DZIP3: variants seen among roughly 807,000 people sequenced by gnomAD.
DZIP3 encodes the protein DAZ interacting zinc finger protein 3.
DZIP3 carries 118 observed loss-of-function variants against 162.0 expected under a neutral mutation model. The ratio of observed to expected loss-of-function variants is 0.73; its 90% CI spans 0.63 to 0.85. DZIP3 has a LOEUF of 0.85. Ranked by LOEUF, DZIP3 falls within the 40% of genes least tolerant of loss-of-function variation. The pLI is 0.00. For missense variants in DZIP3, 1,331 were observed against 1,407.0 expected (o/e 0.95, Z 0.86); for synonymous variants, 438 against 458.6 (o/e 0.96, Z 0.57).
rs531053949 is a variant in DZIP3 at position 108,668,435 on chromosome 3, C to T, written c.2424-1246C>T. Among the ~76,000 whole-genome samples the T allele has an allele frequency of 3.9e-5, 6 of 152,090 alleles. No homozygotes were observed. In the South Asian group the frequency reaches 1.2e-3, roughly 32 times the overall value. ...AGCTGGATAATAAGAACTATGCCTA[C>T]CTTATCCTCTGTTGTTTAAGAGTCT... On this transcript the variant is annotated intron_variant, in intron 21 of 32. Coordinates refer to ENST00000361582, the MANE Select transcript of DZIP3 (RefSeq NM_014648.4).
chr3:108,624,867 G>C (rs1034717081), intron 6 of DZIP3, among the ~76,000 whole-genome samples: 2 of 151,670 alleles, frequency 1.3e-5, no homozygotes, highest in Non-Finnish European at 2.9e-5. Context: ...AATTTCTAAG[G>C]GTTCTGTTGA....
intron 1 of DZIP3, among the ~76,000 whole-genome samples, chr3:108,592,066 G>A (rs1368781453): frequency 6.6e-6 from 1 of 151,980 alleles, no homozygotes; most frequent in East Asian, 1.9e-4. Context: ...CTTGAAGTCC[G>A]TGGCAATCTC....
intron 19 of DZIP3, among the ~76,000 whole-genome samples, chr3:108,656,139 G>A (rs577806305): frequency 3.2e-4 from 48 of 152,322 alleles, no homozygotes; most frequent in South Asian, 2.1e-4. Flanking sequence ...CAGCTTTGAA[G>A]AGAGTAGTGG....
At position 108,675,884 on chromosome 3, in the gene DZIP3, A is replaced by G. The variant is rs1181518240; in HGVS notation, c.2781+11A>G. On this transcript the variant is annotated intron_variant, in intron 25 of 32. Coordinates refer to ENST00000361582, the MANE Select transcript of DZIP3 (RefSeq NM_014648.4). ...ATTGCATTCCTCAGGGTAAGTCCTG[A>G]AGTATATTTGGAGAAAATTGGCTTA... 1 of 1,605,120 alleles carries G rather than the reference A, an allele frequency of 6.2e-7. No homozygotes were observed. Among genetic ancestry groups the G allele is most frequent in the African/African-American group, 1.3e-5 (1 of 74,516 alleles).
rs1453391714 is a variant in DZIP3, at chr3:108,611,038, A to C, written c.103-136A>C. On this transcript the variant is annotated intron_variant, in intron 3 of 32. Transcript: ENST00000361582. ...CATATTATTCTTCCTTAGATTTTTT[A>C]TAATTCTGTCATAGAAGCTAGGAGA... The C allele has an allele frequency of 2.3e-5, 17 of 743,406 alleles. No homozygotes were observed. The East Asian group carries it at 5.0e-4, about 22-fold the overall frequency. The allele number at this position is 743,406 out of a possible 1,614,324, so 46.1% of individuals were successfully genotyped here.
At chr3:108,648,245 G>A in intron 16 of DZIP3, 133 bp downstream of exon 16, 1 of 784,160 alleles carries the variant, frequency 1.3e-6, no homozygotes, top group Non-Finnish European at 1.9e-6. Flanking sequence ...GCTTGAATTG[G>A]AATGGTCCTT....
At chr3:108,631,055 A>ACACACACACACACACACCCACT in intron 8 of DZIP3, among the ~76,000 whole-genome samples, 1 of 18,006 alleles carries the variant, frequency 5.6e-5, no homozygotes. Context: ...ACACACACAC[A>ACACACACACACACACACCCACT]CTCTCTCTCT....
intron 9 of DZIP3, among the ~76,000 whole-genome samples, chr3:108,633,518 A>G (rs1941980700): frequency 6.6e-6 from 1 of 151,944 alleles, no homozygotes; most frequent in African/African-American, 2.4e-5. Context: ...GCAGGGGGAA[A>G]AAGTAACCAG....
chr3:108,644,297 T>C lies in DZIP3; in HGVS notation c.1275T>C (p.Leu425=). The C allele has an allele frequency of 6.2e-7, 1 of 1,614,046 alleles. No homozygotes were observed. The highest frequency in any genetic ancestry group is 8.5e-7 in the Non-Finnish European group (1 of 1,179,960). ...AMPPPLLKKE[L]LIHKNVLESY... is the part of the protein sequence containing the mutation. ...CACCTCCTCTTTTGAAAAAAGAGCT[T>C]CTTATACACAAGAATGTGCTGGAAT... Residue 425 remains leucine, a synonymous_variant, in exon 14 of 33, where the codon CTT becomes CTC. Transcript: ENST00000361582.
chr3:108,618,398 C>T (rs921243391), intron 5 of DZIP3, among the ~76,000 whole-genome samples: 1 of 152,158 alleles, frequency 6.6e-6, no homozygotes, highest in Non-Finnish European at 1.5e-5. Flanking sequence ...TGCTGTATGA[C>T]AGCCACTATT....
At chr3:108,685,980 CCAGA>C (rs1463926153) in intron 27 of DZIP3, among the ~76,000 whole-genome samples, 2 of 151,936 alleles carry the variant, frequency 1.3e-5, no homozygotes, top group East Asian at 3.9e-4. Context: ...TCTCTTATGC[CCAGA>C]CATACAGTTC....
At chr3:108,646,703 A>G (rs1256624450) in intron 15 of DZIP3, 54 bp downstream of exon 15, 5 of 1,270,364 alleles carry the variant, frequency 3.9e-6, no homozygotes, top group East Asian at 5.1e-5. Flanking sequence ...AGGGATACCT[A>G]TGAAATTTTT....
rs111877589 is a variant in DZIP3, at chr3:108,604,527, A to G, written c.-72-808A>G. ...AATAAATAGCTATGTAAATAAATAT[A>G]TATACTTATGATACTCTAGTCTCTT... is the stretch of plus-strand genomic sequence containing the variant. On this transcript the variant is annotated intron_variant, in intron 1 of 32. Transcript: ENST00000361582. Among the ~76,000 whole-genome samples the G allele has an allele frequency of 6.9e-3, 1,046 of 152,290 alleles. 5 individuals are homozygous for G. The highest frequency in any genetic ancestry group is 0.024 in the African/African-American group (986 of 41,560).
In DZIP3 at chr3:108,605,347, G is replaced by A; in HGVS notation, c.-60G>A. On this transcript the variant is annotated 5_prime_UTR_variant, in exon 2 of 33. Coordinates refer to ENST00000361582, the MANE Select transcript of DZIP3 (RefSeq NM_014648.4). The stretch of plus-strand genomic sequence containing the variant: ...ATTTTCCTTACAGCATTAAAGGGCA[G>A]TATTTAAAGTCAGTTGGCAAGCAGT... The A allele has an allele frequency of 6.2e-7, 1 of 1,606,954 alleles. No homozygotes were observed. Among genetic ancestry groups the A allele is most frequent in the Non-Finnish European group, 8.5e-7 (1 of 1,174,302 alleles).
Position 108,684,263 on chromosome 3 carries a change from A to G in DZIP3, c.2931A>G (p.Arg977=), listed in dbSNP as rs773224356. The G allele has an allele frequency of 1.2e-6, 2 of 1,613,062 alleles. No individual in the cohort carries two copies. The highest frequency in any genetic ancestry group is 1.1e-5 in the South Asian group (1 of 90,994). The stretch of plus-strand genomic sequence containing the variant: ...CTCTTGTGAAAGAATCTTTCTTTAG[A>G]CCCATACTTACTGTTCCTCAAATGC... ...GRPLVKESFF[R]PILTVPQMPA... The change falls in exon 27 of 33, where the codon AGA becomes AGG. Residue 977 remains arginine (R), a synonymous_variant. Transcript: ENST00000361582.
At chr3:108,599,552 C>T (rs1939885934) in intron 1 of DZIP3, among the ~76,000 whole-genome samples, 1 of 152,194 alleles carries the variant, frequency 6.6e-6, no homozygotes, top group South Asian at 2.1e-4. Flanking sequence ...TTTGTCTACA[C>T]AGAGCTCACT....
intron 8 of DZIP3, among the ~76,000 whole-genome samples, chr3:108,631,149 T>C (rs1020490957): frequency 6.7e-5 from 10 of 148,954 alleles, no homozygotes; most frequent in Admixed American, 2.0e-4. Flanking sequence ...TTCCCTTCAC[T>C]CTCATCCTGG....
chr3:108,633,945 A>ATC (rs1189753178), intron 9 of DZIP3, among the ~76,000 whole-genome samples: 2 of 147,934 alleles, frequency 1.4e-5, no homozygotes, highest in Non-Finnish European at 1.5e-5. Context: ...CTTCTGATAG[A>ATC]TCTCTCTCTC....
Position 108,642,482 on chromosome 3 carries a change from G to T in DZIP3, c.1109G>T (p.Arg370Ile). 6.7e-7 allele frequency: 1 copy of T among 1,484,352 alleles called. No homozygotes were observed. 91.9% of individuals were successfully genotyped at this position (1,484,352 alleles called of 1,614,324 possible). A position where few individuals can be genotyped will look rare whatever the true frequency, so the allele number is the denominator to read the frequency against. Reference protein sequence around the residue: ...ISLKITDTDIRPKISLKFNTK... With the variant: ...ISLKITDTDIIPKISLKFNTK... ...CTGAAAATAACTGATACTGATATAA[G>T]ACCGAAGATCAGTTTAAAATTTAAT... The change falls in exon 13 of 33, where the codon AGA (arginine) becomes ATA (isoleucine). Residue 370 changes from arginine (R) to isoleucine (I), a missense_variant. Physicochemically the swap from Arg to Ile is moderately conservative, Grantham distance 97. This residue lies in a region of DZIP3 where 1,278 missense variants were observed against 1,317.1 expected (regional missense o/e 0.97). Coordinates refer to ENST00000361582, the MANE Select transcript of DZIP3 (RefSeq NM_014648.4).
Sources: gnomAD v4.1 joint callset for allele counts (sites outside exome capture counted in the v4.1 genomes callset) on GRCh38, gnomAD v4.1.1 for gene constraint, gnomAD v4.1.1 regional missense constraint, MANE v1.5 for transcripts, NCBI Gene and HGNC (gene_info 2026-07-23, HGNC 2026-07-21) for gene names.